The following FRYL variants were observed in gnomAD, a reference collection of about 807,000 sequenced individuals.
The protein encoded by FRYL is FRY like transcription coactivator.
FRYL carries 150 observed loss-of-function variants against 351.2 expected under a neutral mutation model. That is an observed-to-expected ratio of 0.43 (90% confidence interval 0.37 to 0.49). FRYL has a LOEUF of 0.49. Among genes scored for constraint, FRYL ranks in the 20% least tolerant of loss-of-function variants. The pLI, the probability that FRYL is intolerant of heterozygous loss-of-function variation, is 0.00. For missense variants in FRYL, 3,036 were observed against 3,619.3 expected (o/e 0.84, Z 4.13); for synonymous variants, 1,153 against 1,257.1 (o/e 0.92, Z 1.75).
chr4:48,682,152 A>G (rs1764696327), intron 3 of FRYL, among the ~76,000 whole-genome samples: 1 of 152,240 alleles, frequency 6.6e-6, no homozygotes. Context: ...TTAGTGAAAC[A>G]CAATACAATC....
intron 31 of FRYL, among the ~76,000 whole-genome samples, chr4:48,563,632 C>G (rs1042166337): frequency 2.0e-5 from 3 of 151,372 alleles, no homozygotes; most frequent in African/African-American, 7.3e-5. Flanking sequence ...ATCACTTGAG[C>G]CTAGGAGTTT....
At chr4:48,595,845 T>A (rs1744482365) in intron 14 of FRYL, 52 bp downstream of exon 14, 1 of 1,293,636 alleles carries the variant, frequency 7.7e-7, no homozygotes, top group East Asian at 2.4e-5. Flanking sequence ...ATAGTGTGTT[T>A]TTTTAAAAAC....
chr4:48,587,969 C>T (rs1363912882), intron 18 of FRYL, among the ~76,000 whole-genome samples: 1 of 152,090 alleles, frequency 6.6e-6, no homozygotes, highest in Non-Finnish European at 1.5e-5. Flanking sequence ...AATACCAGTC[C>T]CCAAAAAGGC....
At position 48,606,588 on chromosome 4, in the gene FRYL, C is replaced by T; in HGVS notation, c.591G>A (p.Lys197=). ...LAQSKFQAVR[K]KFVTELKELR... ...GTTCTTTTAATTCTGTCACAAACTT[C>T]TTCCTTACAGCCTGAAACCTTTAAT... Residue 197 remains lysine, a synonymous_variant, in exon 10 of 64, where the codon AAG becomes AAA. Transcript: ENST00000358350. 1 of 1,610,192 alleles carries T rather than the reference C, an allele frequency of 6.2e-7. No homozygotes were observed. Among genetic ancestry groups the T allele is most frequent in the Non-Finnish European group, 8.5e-7 (1 of 1,177,374 alleles).
intron 1 of FRYL, among the ~76,000 whole-genome samples, 176 bp downstream of exon 1, chr4:48,779,902 C>T (rs1224280454): frequency 1.3e-5 from 2 of 151,998 alleles, no homozygotes; most frequent in African/African-American, 2.4e-5. Flanking sequence ...CGCGCCGCGC[C>T]GCTTGCCAGC....
intron 2 of FRYL, among the ~76,000 whole-genome samples, chr4:48,694,945 A>G (rs1352148499): frequency 1.3e-5 from 2 of 152,224 alleles, no homozygotes; most frequent in South Asian, 2.1e-4. Context: ...TGGTGGCACT[A>G]GCCTGTAGTC....
At chr4:48,769,032 G>C (rs1486762065) in intron 1 of FRYL, among the ~76,000 whole-genome samples, 1 of 152,108 alleles carries the variant, frequency 6.6e-6, no homozygotes, top group South Asian at 2.1e-4. Flanking sequence ...AGCTACTCTG[G>C]AGGCTGAGAT....
intron 47 of FRYL, among the ~76,000 whole-genome samples, chr4:48,536,622 G>A (rs1728948190): frequency 6.6e-6 from 1 of 152,134 alleles, no homozygotes; most frequent in African/African-American, 2.4e-5. Flanking sequence ...GGACACCTGA[G>A]CTATGCAGAA....
chr4:48,671,851 TC>T, intron 3 of FRYL, among the ~76,000 whole-genome samples: 2 of 34,724 alleles, frequency 5.8e-5, no homozygotes, highest in Non-Finnish European at 5.4e-5. Context: ...AGACTCCGTC[TC>T]AAAAACAAAA....
At chr4:48,644,672 G>A (rs1693683261) in intron 3 of FRYL, among the ~76,000 whole-genome samples, 1 of 151,654 alleles carries the variant, frequency 6.6e-6, no homozygotes, top group African/African-American at 2.4e-5. Flanking sequence ...AAACCTGACT[G>A]GATAAAACAA....
intron 1 of FRYL, among the ~76,000 whole-genome samples, chr4:48,713,148 A>C (rs990624821): frequency 3.9e-5 from 6 of 152,186 alleles, no homozygotes; most frequent in African/African-American, 1.2e-4. Context: ...AAGACCATCG[A>C]GACTAGGAAG....
At chr4:48,674,427 G>A (rs2149515927) in intron 3 of FRYL, among the ~76,000 whole-genome samples, 1 of 150,818 alleles carries the variant, frequency 6.6e-6, no homozygotes, top group East Asian at 1.9e-4. Context: ...CACATCACAT[G>A]TGATCATTTT....
chr4:48,653,069 A>G (rs1758057872), intron 3 of FRYL, among the ~76,000 whole-genome samples: 1 of 152,254 alleles, frequency 6.6e-6, no homozygotes, highest in African/African-American at 2.4e-5. Context: ...TGATTGAAAT[A>G]TTGAACAAAA....
chr4:48,647,913 A>C (rs1325570293), intron 3 of FRYL, among the ~76,000 whole-genome samples: 1 of 152,180 alleles, frequency 6.6e-6, no homozygotes, highest in Non-Finnish European at 1.5e-5. Context: ...CAACAGATAC[A>C]TTTCTGAAAC....
intron 55 of FRYL, among the ~76,000 whole-genome samples, chr4:48,519,386 C>T (rs1724385280): frequency 6.6e-6 from 1 of 152,166 alleles, no homozygotes; most frequent in African/African-American, 2.4e-5. Flanking sequence ...ACCATGAAAC[C>T]TGTCCTTTCT....
chr4:48,567,808 C>G lies in FRYL; in HGVS notation c.2997-388G>C, dbSNP rs756477787. Among the ~76,000 whole-genome samples, 5 of 152,170 alleles carry G rather than the reference C, an allele frequency of 3.3e-5. No homozygotes were observed. The highest frequency in any genetic ancestry group is 7.3e-5 in the Non-Finnish European group (5 of 68,032). ...TTCTATTTATTCATAGCTGCCATGT[C>G]TATTCATATTGTGCCTTCAGCATAA... On this transcript the variant is annotated intron_variant, in intron 27 of 63. Coordinates refer to ENST00000358350, the MANE Select transcript of FRYL (RefSeq NM_015030.2). The surrounding 1 kb of genome is among the most constrained non-coding windows in gnomAD (Gnocchi z 4.2).
chr4:48,586,836 A>G, intron 18 of FRYL, 108 bp from the exon 19 acceptor site: 1 of 651,826 alleles, frequency 1.5e-6, no homozygotes. Flanking sequence ...CTAAAGTTCA[A>G]TGTATTTAAT....
chr4:48,723,187 G>C (rs1475182226), intron 1 of FRYL, among the ~76,000 whole-genome samples: 6 of 152,046 alleles, frequency 3.9e-5, no homozygotes, highest in African/African-American at 1.2e-4. Context: ...TTGTCACCCA[G>C]GCTGGAGTGC....
intron 1 of FRYL, among the ~76,000 whole-genome samples, chr4:48,730,145 T>C (rs774796369): frequency 6.6e-6 from 1 of 151,596 alleles, no homozygotes; most frequent in African/African-American, 2.4e-5. Context: ...TGACTGAAGA[T>C]CAAATTAATG....
Sources: allele counts gnomAD v4.1 joint callset (sites outside exome capture counted in the v4.1 genomes callset), GRCh38; gene constraint gnomAD v4.1.1; non-coding constraint Gnocchi (gnomAD v3.1); transcripts MANE v1.5; gene names NCBI Gene and HGNC (gene_info 2026-07-23, HGNC 2026-07-21).